CNTLN: variants seen among roughly 807,000 people sequenced by gnomAD.
The protein encoded by CNTLN is centlein.
Under a neutral mutation model 180.0 loss-of-function variants are expected in CNTLN, and 212 were observed. The ratio of observed to expected loss-of-function variants is 1.18; its 90% CI spans 1.05 to 1.32. The LOEUF is 1.32. CNTLN is among the 40% of genes most tolerant of loss of function. CNTLN has a pLI of 0.00. For synonymous variants in CNTLN, 722 were observed against 563.1 expected, an observed-to-expected ratio of 1.28 and a Z score of -3.99; for missense variants, 2,095 against 1,610.9, an observed-to-expected ratio of 1.30 and a Z score of -5.14.
chr9:17,162,207 C>T (rs1002692550), intron 2 of CNTLN, among the ~76,000 whole-genome samples: 50 of 152,036 alleles, frequency 3.3e-4, no homozygotes, highest in African/African-American at 9.9e-4. Context: ...CTCCACCTGC[C>T]GTGTTCACGC....
rs569709765 is a variant in CNTLN, at chr9:17,272,729, C to T, written c.850-1004C>T. Among the ~76,000 whole-genome samples, 21 of 152,214 alleles carry T rather than the reference C, an allele frequency of 1.4e-4. 1 individual carries two copies. The highest frequency in any genetic ancestry group is 4.6e-4 in the African/African-American group (19 of 41,546). On this transcript the variant is annotated intron_variant, in intron 5 of 25. Coordinates refer to ENST00000380647, the MANE Select transcript of CNTLN (RefSeq NM_017738.4). ...GGTTTCTTTTTTAAGAGTATGAGAG[C>T]CCTTCTGTAGTCCCCAGTTTCATTT...
At chr9:17,261,647 GTA>G (rs1272740676) in intron 5 of CNTLN, among the ~76,000 whole-genome samples, 3 of 151,244 alleles carry the variant, frequency 2.0e-5, no homozygotes, top group Non-Finnish European at 2.9e-5. Context: ...TTTCCTATTT[GTA>G]TGTCATTTAT....
At chr9:17,521,265 A>AAGAGAGAGAGAG in the CNTLN span, among the ~76,000 whole-genome samples, 29,491 of 118,222 alleles carry the variant, frequency 0.25, 4,945 homozygotes, top group Non-Finnish European at 0.34. Context: ...AAGGGAGAAA[A>AAGAGAGAGAGAG]AGAGAGAGAG....
chr9:17,254,094 T>C (rs1826321739), intron 5 of CNTLN, among the ~76,000 whole-genome samples: 2 of 151,676 alleles, frequency 1.3e-5, no homozygotes, highest in Admixed American at 6.6e-5. Flanking sequence ...TTTGTATATA[T>C]TGAATCATCC....
chr9:17,364,500 G>A (rs1332090924), intron 12 of CNTLN, among the ~76,000 whole-genome samples: 1 of 151,890 alleles, frequency 6.6e-6, no homozygotes, highest in Non-Finnish European at 1.5e-5. Flanking sequence ...ATAAACCCCT[G>A]TTCTTTTTTA....
intron 13 of CNTLN, 37 bp from the exon 14 acceptor site, chr9:17,388,125 C>T (rs1825825996): frequency 7.5e-7 from 1 of 1,337,912 alleles, no homozygotes; most frequent in South Asian, 1.2e-5. Flanking sequence ...TTCAGCAGTA[C>T]ACGTGGTATC....
Position 17,394,570 on chromosome 9 carries a change from A to G in CNTLN, c.2116A>G (p.Lys706Glu). 6.3e-7 allele frequency: 1 copy of G among 1,588,586 alleles called. No homozygotes were observed. The highest frequency in any genetic ancestry group is 8.5e-7 in the Non-Finnish European group (1 of 1,172,804). The change falls in exon 15 of 26, where the codon AAA becomes GAA. Residue 706 changes from lysine to glutamate, a missense_variant. By Grantham distance (56) the Lys-to-Glu change is moderately conservative. Coordinates refer to ENST00000380647, the MANE Select transcript of CNTLN (RefSeq NM_017738.4). ...ELENRLKSFE[K>E]RSRKLKEGNK... is the part of the protein sequence containing the mutation. ...GGAAAATCGGCTGAAATCTTTTGAG[A>G]AAAGGTCGAGAAAATTAAAAGAAGG...
In CNTLN at chr9:17,503,519, C is replaced by T. The variant is rs1833854576; in HGVS notation, c.*867C>T. 1 of 152,258 alleles carries T rather than the reference C, an allele frequency of 6.6e-6. No homozygotes were observed. The highest frequency in any genetic ancestry group is 2.1e-4 in the South Asian group (1 of 4,830). The allele number at this position is 152,258 out of a possible 1,614,324, so 9.4% of individuals were successfully genotyped here. The stretch of plus-strand genomic sequence containing the variant: ...CCCACATTTGCCCTTGGTCTTCTCT[C>T]TTTCTAGAATACTCTGCACTCAACT... On this transcript the variant is annotated 3_prime_UTR_variant, in exon 26 of 26. Transcript: ENST00000380647.
chr9:17,506,541 T>A (rs1264304064), downstream of CNTLN, among the ~76,000 whole-genome samples: 2 of 152,260 alleles, frequency 1.3e-5, no homozygotes, highest in East Asian at 3.9e-4. Flanking sequence ...AAGAGTGAAT[T>A]TCATTCTTCA....
intron 19 of CNTLN, among the ~76,000 whole-genome samples, chr9:17,461,418 A>G (rs1831440229): frequency 1.3e-5 from 2 of 151,778 alleles, no homozygotes; most frequent in African/African-American, 4.8e-5. Context: ...AATTTTGATT[A>G]CATTACACAC....
chr9:17,221,834 T>C (rs1427229165), intron 2 of CNTLN, among the ~76,000 whole-genome samples: 1 of 152,100 alleles, frequency 6.6e-6, no homozygotes, highest in African/African-American at 2.4e-5. Context: ...TGCTTTCATA[T>C]ACCATTGAGA....
In CNTLN at chr9:17,383,251, A is replaced by G. The variant is rs1313739531; in HGVS notation, c.1988-4911A>G. ...ATGCTTCTTTGTAGTTGTTACCAAC[A>G]TGGCGCTGTGGCTCACACTGTAATC... is the stretch of plus-strand genomic sequence containing the variant. On this transcript the variant is annotated intron_variant, in intron 13 of 25. Transcript: ENST00000380647. Among the ~76,000 whole-genome samples, 10 of 152,150 alleles carry G rather than the reference A, an allele frequency of 6.6e-5. 1 individual carries two copies. In the South Asian group the frequency reaches 1.7e-3, roughly 25 times the overall value.
intron 6 of CNTLN, among the ~76,000 whole-genome samples, chr9:17,281,911 G>A (rs1268775684): frequency 1.3e-5 from 2 of 152,138 alleles, no homozygotes; most frequent in East Asian, 3.9e-4. Context: ...CACCAACAGT[G>A]TCAAAGCGTT....
rs551941992 is a variant in CNTLN, at chr9:17,402,504, G to A, written c.2616-6789G>A. ...AAGAAACTGAATTATAGGGACAGTA[G>A]CCCCCTCTGTTGGTTATGTATCAAC... On this transcript the variant is annotated intron_variant, in intron 15 of 25. Coordinates refer to ENST00000380647, the MANE Select transcript of CNTLN (RefSeq NM_017738.4). 5.3e-5 allele frequency among the ~76,000 whole-genome samples: 8 copies of A among 151,940 alleles called. 1 individual carries two copies. Among genetic ancestry groups the A allele is most frequent in the African/African-American group, 1.7e-4 (7 of 41,274 alleles).
intron 6 of CNTLN, among the ~76,000 whole-genome samples, chr9:17,293,960 G>A (rs551208520): frequency 2.9e-4 from 44 of 152,228 alleles, no homozygotes; most frequent in African/African-American, 4.1e-4. Flanking sequence ...GAATTGGTGC[G>A]TTCTTGGTCT....
At chr9:17,520,566 G>C in the CNTLN span, among the ~76,000 whole-genome samples, 1 of 152,226 alleles carries the variant, frequency 6.6e-6, no homozygotes, top group Non-Finnish European at 1.5e-5. Context: ...TCCCCGCTTG[G>C]AGGTGAGAGG....
chr9:17,209,350 A>T (rs992950629), intron 2 of CNTLN, among the ~76,000 whole-genome samples: 4 of 152,176 alleles, frequency 2.6e-5, no homozygotes, highest in Admixed American at 2.0e-4. Context: ...TCTATTCTTG[A>T]TAATGATCCA....
intron 5 of CNTLN, among the ~76,000 whole-genome samples, chr9:17,271,411 C>T (rs1237538368): frequency 6.6e-6 from 1 of 152,034 alleles, no homozygotes; most frequent in African/African-American, 2.4e-5. Context: ...CCTTCGTTTT[C>T]TTTCTTTCTT....
chr9:17,388,396 C>A, intron 14 of CNTLN, 143 bp downstream of exon 14: 5 of 565,868 alleles, frequency 8.8e-6, no homozygotes, highest in South Asian at 7.3e-5. Flanking sequence ...CATTGGCTTG[C>A]CAAAATGGGG....
Sources: allele counts gnomAD v4.1 joint callset (sites outside exome capture counted in the v4.1 genomes callset), GRCh38; gene constraint gnomAD v4.1.1; transcripts MANE v1.5; gene names NCBI Gene and HGNC (gene_info 2026-07-23, HGNC 2026-07-21).